Variants in BIRC6 observed in about 807,000 individuals in gnomAD.
The protein encoded by BIRC6 is dual E2 ubiquitin-conjugating enzyme/E3 ubiquitin-protein ligase BIRC6.
In BIRC6, 98 loss-of-function variants were observed where a neutral mutation model predicts 503.3. That is an observed-to-expected ratio of 0.19 (90% CI 0.17 to 0.23). BIRC6 has a LOEUF of 0.23. Among genes scored for constraint, BIRC6 ranks in the 10% least tolerant of loss-of-function variants. The pLI, the probability that BIRC6 is intolerant of heterozygous loss-of-function variation, is 1.00. For missense variants in BIRC6, 5,360 were observed against 5,806.0 expected (o/e 0.92, Z 2.50); for synonymous variants, 2,240 against 2,078.7 (o/e 1.08, Z -2.11).
chr2:32,436,310 T>G, intron 15 of BIRC6, 126 bp downstream of exon 15: 1 of 843,960 alleles, frequency 1.2e-6, no homozygotes, highest in Non-Finnish European at 1.6e-6. Flanking sequence ...TTTCATCAGT[T>G]TTCTGGTAGC....
At chr2:32,539,234 A>G (rs1451093154) in intron 61 of BIRC6, among the ~76,000 whole-genome samples, 2 of 152,244 alleles carry the variant, frequency 1.3e-5, no homozygotes, top group African/African-American at 4.8e-5. Flanking sequence ...AACTGAAGGA[A>G]GAATTAGATA....
At chr2:32,537,834 C>G (rs923928078) in intron 61 of BIRC6, among the ~76,000 whole-genome samples, 2 of 151,938 alleles carry the variant, frequency 1.3e-5, no homozygotes, top group African/African-American at 4.8e-5. Flanking sequence ...GGCGGGGTGG[C>G]AGGTGCCTGT....
intron 16 of BIRC6, among the ~76,000 whole-genome samples, chr2:32,440,978 C>G (rs1001907172): frequency 6.6e-6 from 1 of 151,964 alleles, no homozygotes; most frequent in African/African-American, 2.4e-5. Flanking sequence ...TCAGGCTGTT[C>G]TCGAACTCCT....
intron 6 of BIRC6, among the ~76,000 whole-genome samples, chr2:32,398,352 C>G (rs1187914766): frequency 6.6e-6 from 1 of 152,018 alleles, no homozygotes; most frequent in Non-Finnish European, 1.5e-5. Flanking sequence ...AGACTGTGGT[C>G]CAACAGTTAA....
chr2:32,491,586 C>T, intron 44 of BIRC6, 28 bp downstream of exon 44: 1 of 1,603,372 alleles, frequency 6.2e-7, no homozygotes, highest in Non-Finnish European at 8.5e-7. Flanking sequence ...CTGGCATATG[C>T]CCAGACTATT....
chr2:32,553,618 G>C (rs1320118410), intron 65 of BIRC6, among the ~76,000 whole-genome samples: 3 of 151,946 alleles, frequency 2.0e-5, no homozygotes, highest in Non-Finnish European at 4.4e-5. Context: ...TCGAACTCCT[G>C]ACCTCAAGTG....
chr2:32,575,493 G>A (rs918546615), intron 66 of BIRC6, 127 bp downstream of exon 66: 12 of 821,970 alleles, frequency 1.5e-5, no homozygotes, highest in Middle Eastern at 3.6e-4. Context: ...GGCTGGGTGC[G>A]GTGGCTCACA....
At chr2:32,567,823 C>T (rs571702965) in intron 65 of BIRC6, among the ~76,000 whole-genome samples, 78 of 152,182 alleles carry the variant, frequency 5.1e-4, no homozygotes, top group African/African-American at 1.6e-3. Flanking sequence ...GGAAGGAGGC[C>T]GGGTGTGGTG....
chr2:32,515,471 G>T lies in BIRC6; in HGVS notation c.11050G>T (p.Ala3684Ser). Reference sequence around the variant, plus strand: ...GATGCCTATCACAGCCGACCTAGTTGCTCCTATTCTTAGGTTTTTGACAGA... The same window carrying T: ...GATGCCTATCACAGCCGACCTAGTTTCTCCTATTCTTAGGTTTTTGACAGA... ...NKMPITADLV[A>S]PILRFLTEVG... is the part of the protein sequence containing the mutation. Residue 3684 changes from alanine to serine, a missense_variant, in exon 55 of 74, where the codon GCT becomes TCT. Coordinates refer to ENST00000421745, the MANE Select transcript of BIRC6 (RefSeq NM_016252.4). 1.2e-6 allele frequency: 2 copies of T among 1,613,562 alleles called. No homozygotes were observed. Among genetic ancestry groups the T allele is most frequent in the Non-Finnish European group, 1.7e-6 (2 of 1,179,866 alleles).
In BIRC6 at chr2:32,433,820, A is replaced by C. The variant is rs2044392973; in HGVS notation, c.3409+16A>C. 6.7e-7 allele frequency: 1 copy of C among 1,487,866 alleles called. No individual in the cohort carries two copies. The allele number at this position is 1,487,866 out of a possible 1,614,324, so 92.2% of individuals were successfully genotyped here. A position where few individuals can be genotyped will look rare whatever the true frequency, so the allele number is the denominator to read the frequency against. Reference sequence around the variant, plus strand: ...AAAGTCAATGGTAAGAATGTATCAAAATTTATCTTTGAAGATTTTATTTTG... The same window carrying C: ...AAAGTCAATGGTAAGAATGTATCAACATTTATCTTTGAAGATTTTATTTTG... On this transcript the variant is annotated intron_variant, in intron 13 of 73. Transcript: ENST00000421745.
At position 32,445,629 on chromosome 2, in the gene BIRC6, A is replaced by G. The variant is rs1335370712; in HGVS notation, c.4445A>G (p.Gln1482Arg). Reference protein sequence around the residue: ...SLLTAVSRQLQDRLTPMEALL... With the variant: ...SLLTAVSRQLRDRLTPMEALL... ...CTTACTGCAGTGTCCAGACAGTTAC[A>G]GGACAGGCTAACACCAATGGAGGCT... Residue 1482 changes from glutamine (Q) to arginine (R), a missense_variant, in exon 21 of 74, where the codon CAG becomes CGG. By Grantham distance (43) the Gln-to-Arg change is conservative. Coordinates refer to ENST00000421745, the MANE Select transcript of BIRC6 (RefSeq NM_016252.4). The G allele has an allele frequency of 1.9e-6, 3 of 1,598,286 alleles. No individual in the cohort carries two copies. The highest frequency in any genetic ancestry group is 2.3e-5 in the East Asian group (1 of 44,250).
rs767527932 is a variant in BIRC6 at position 32,499,734 on chromosome 2, T to A, written c.8656T>A (p.Ser2886Thr). The A allele has an allele frequency of 1.2e-6, 2 of 1,614,012 alleles. No homozygotes were observed. Among genetic ancestry groups the A allele is most frequent in the Admixed American group, 1.7e-5 (1 of 60,016 alleles). The change falls in exon 46 of 74, where the codon TCC becomes ACC. Residue 2886 changes from serine to threonine, a missense_variant. By Grantham distance (58) the Ser-to-Thr change is moderately conservative. Around this residue, in one of 16 missense-constraint regions of BIRC6, gnomAD observed 2,299 missense variants for 2,267.2 expected, o/e 1.01. Transcript: ENST00000421745. ...AATGTCAAGAAGTGGATCAGATAGCTCCGTGGGTGCTCGAGCATGCTTTGG... is the reference window on the plus strand; with the variant it reads ...AATGTCAAGAAGTGGATCAGATAGCACCGTGGGTGCTCGAGCATGCTTTGG... ...KVMSRSGSDSSVGARACFGGL... is the reference protein window; with the variant it reads ...KVMSRSGSDSTVGARACFGGL...
intron 72 of BIRC6, among the ~76,000 whole-genome samples, chr2:32,608,119 G>T (rs961675112): frequency 6.7e-6 from 1 of 148,564 alleles, no homozygotes; most frequent in Non-Finnish European, 1.5e-5. Context: ...AATATAGCAA[G>T]ACCCCATCTC....
intron 22 of BIRC6, among the ~76,000 whole-genome samples, chr2:32,451,977 G>C (rs1574311561): frequency 6.6e-6 from 1 of 152,108 alleles, no homozygotes; most frequent in South Asian, 2.1e-4. Flanking sequence ...CAGTATGCAT[G>C]GGTAAAGTTC....
intron 6 of BIRC6, among the ~76,000 whole-genome samples, chr2:32,399,549 G>A (rs549597316): frequency 6.6e-6 from 1 of 152,062 alleles, no homozygotes; most frequent in African/African-American, 2.4e-5. Flanking sequence ...TTACCATCAC[G>A]CCTGGCTCAT....
intron 9 of BIRC6, among the ~76,000 whole-genome samples, chr2:32,410,305 A>G (rs975318114): frequency 2.0e-5 from 3 of 152,166 alleles, no homozygotes; most frequent in Non-Finnish European, 2.9e-5. Flanking sequence ...CGTCTAAAAC[A>G]AAACAAAACA....
intron 2 of BIRC6, among the ~76,000 whole-genome samples, chr2:32,378,115 CT>C (rs1304915449): frequency 6.6e-6 from 1 of 152,068 alleles, no homozygotes; most frequent in Non-Finnish European, 1.5e-5. Context: ...CTTGGGTTAG[CT>C]TGGGAGTTTA....
At chr2:32,479,389 GA>G in intron 36 of BIRC6, 72 bp from the exon 37 acceptor site, 10 of 1,409,760 alleles carry the variant, frequency 7.1e-6, no homozygotes, top group Non-Finnish European at 7.8e-6. Context: ...TAAACTGGAG[GA>G]AAAAAATGTG....
chr2:32,544,246 G>C (rs963556154), intron 62 of BIRC6, among the ~76,000 whole-genome samples: 2 of 152,094 alleles, frequency 1.3e-5, no homozygotes, highest in Admixed American at 6.6e-5. Flanking sequence ...GATTAGTGAT[G>C]TGTTGAATAT....
Sources: gnomAD v4.1 joint callset for allele counts (sites outside exome capture counted in the v4.1 genomes callset) on GRCh38, gnomAD v4.1.1 for gene constraint, gnomAD v4.1.1 regional missense constraint, MANE v1.5 for transcripts, NCBI Gene and HGNC (gene_info 2026-07-23, HGNC 2026-07-21) for gene names.